Variants in PCDH7 observed in about 807,000 individuals in gnomAD.
The protein encoded by PCDH7 is protocadherin-7.
PCDH7 carries 17 observed loss-of-function variants against 58.9 expected under a neutral mutation model. The ratio of observed to expected loss-of-function variants is 0.29; its 90% CI spans 0.20 to 0.43. PCDH7 has a LOEUF of 0.43. Ranked by LOEUF, PCDH7 falls within the 20% of genes least tolerant of loss-of-function variation. The probability of loss-of-function intolerance (pLI) is 1.00; values close to 1 mark genes in which losing one functional copy is unlikely to be tolerated. For synonymous variants in PCDH7, 664 were observed against 616.4 expected, an observed-to-expected ratio of 1.08 and a Z score of -1.14; for missense variants, 1,274 against 1,441.0, an observed-to-expected ratio of 0.88 and a Z score of 1.88.
At chr4:31,036,078 T>C (rs1242085336) in intron 3 of PCDH7, among the ~76,000 whole-genome samples, 1 of 152,228 alleles carries the variant, frequency 6.6e-6, no homozygotes, top group Non-Finnish European at 1.5e-5. Context: ...GTATTATAAA[T>C]GTGTTTTACA....
At chr4:30,971,081 A>C (rs1380424281) in intron 3 of PCDH7, among the ~76,000 whole-genome samples, 1 of 152,226 alleles carries the variant, frequency 6.6e-6, no homozygotes, top group Admixed American at 6.5e-5. Flanking sequence ...ACATCACTGG[A>C]AATATTCAAA....
chr4:30,789,808 AT>A (rs2109297400), intron 1 of PCDH7, among the ~76,000 whole-genome samples: 1 of 152,286 alleles, frequency 6.6e-6, no homozygotes, highest in African/African-American at 2.4e-5. Context: ...TCCTTAGAAG[AT>A]TAGACGAGAG....
At chr4:30,945,511 T>C (rs1417770703) in intron 2 of PCDH7, among the ~76,000 whole-genome samples, 1 of 152,156 alleles carries the variant, frequency 6.6e-6, no homozygotes, top group Non-Finnish European at 1.5e-5. Context: ...TATATAGAAT[T>C]CATAATTATT....
At position 30,747,891 on chromosome 4, in the gene PCDH7, T is replaced by A. The variant is rs558702096; in HGVS notation, c.70+23295T>A. 4.6e-5 allele frequency among the ~76,000 whole-genome samples: 7 copies of A among 152,308 alleles called. No homozygotes were observed. In the East Asian group the frequency reaches 7.7e-4, roughly 17 times the overall value. On this transcript the variant is annotated intron_variant, in intron 1 of 3. Coordinates refer to the PCDH7 transcript ENST00000509759. ...AAAATATTATTTGGGTAGACTCCAGTCAGGCTTTCTTTTTTTCTGTGCAAT... is the reference window on the plus strand; with the variant it reads ...AAAATATTATTTGGGTAGACTCCAGACAGGCTTTCTTTTTTTCTGTGCAAT...
chr4:30,819,326 C>T (rs188184880), intron 1 of PCDH7, among the ~76,000 whole-genome samples: 239 of 152,098 alleles, frequency 1.6e-3, no homozygotes, highest in African/African-American at 5.4e-3. Context: ...TTGGGTAGAG[C>T]GGTGCTGCTT....
intron 3 of PCDH7, among the ~76,000 whole-genome samples, chr4:31,139,663 C>A (rs1720017545): frequency 1.3e-5 from 2 of 152,144 alleles, no homozygotes; most frequent in African/African-American, 4.8e-5. Flanking sequence ...TCCACTCATG[C>A]CCTTCTTTAA....
Position 30,765,336 on chromosome 4 carries a change from G to A in PCDH7, c.70+40740G>A, listed in dbSNP as rs141812686. ...CATCAATGGCATCTGGTGACTTTAT[G>A]CATAATGTTCATGGCCTTGCCGCCT... On this transcript the variant is annotated intron_variant, in intron 1 of 3. Transcript: ENST00000509759. Among the ~76,000 whole-genome samples, 708 of 152,080 alleles carry A rather than the reference G, an allele frequency of 4.7e-3. 6 individuals carry two copies. Among genetic ancestry groups the A allele is most frequent in the African/African-American group, 0.016 (669 of 41,484 alleles).
downstream of PCDH7, among the ~76,000 whole-genome samples, chr4:30,735,982 C>T (rs1192141861): frequency 6.6e-6 from 1 of 152,146 alleles, no homozygotes; most frequent in East Asian, 1.9e-4. Flanking sequence ...ATTTTCTGCT[C>T]TCATACTTAT....
intron 3 of PCDH7, among the ~76,000 whole-genome samples, chr4:31,086,305 C>A (rs1334183559): frequency 6.6e-6 from 1 of 152,112 alleles, no homozygotes; most frequent in African/African-American, 2.4e-5. Context: ...AATCCTAATT[C>A]TTGACCTACA....
chr4:30,798,253 A>G (rs2109304232), intron 1 of PCDH7, among the ~76,000 whole-genome samples: 1 of 152,306 alleles, frequency 6.6e-6, no homozygotes, highest in East Asian at 1.9e-4. Context: ...AGGGGAGTGG[A>G]TGCCTTGATT....
chr4:30,881,028 G>A (rs1460075135), intron 1 of PCDH7, among the ~76,000 whole-genome samples: 2 of 152,124 alleles, frequency 1.3e-5, no homozygotes, highest in Non-Finnish European at 2.9e-5. Context: ...AAGACCATCA[G>A]ATTAGCTTTC....
intron 3 of PCDH7, among the ~76,000 whole-genome samples, chr4:30,994,115 A>G (rs1751686606): frequency 6.6e-6 from 1 of 152,356 alleles, no homozygotes; most frequent in Non-Finnish European, 1.5e-5. Flanking sequence ...TTGGAATAAA[A>G]ACCTTCAGAA....
At chr4:30,806,465 G>C (rs1369681701) in intron 1 of PCDH7, among the ~76,000 whole-genome samples, 1 of 151,816 alleles carries the variant, frequency 6.6e-6, no homozygotes, top group African/African-American at 2.4e-5. Context: ...ACCATGCCTG[G>C]CTAAATTTTG....
chr4:30,904,825 C>A (rs1314277284), intron 1 of PCDH7, among the ~76,000 whole-genome samples: 1 of 152,094 alleles, frequency 6.6e-6, no homozygotes, highest in African/African-American at 2.4e-5. Context: ...GGTTTGGGTG[C>A]CAAAGTCAGG....
intron 1 of PCDH7, among the ~76,000 whole-genome samples, chr4:30,874,856 C>T (rs1367877268): frequency 4.6e-5 from 7 of 151,932 alleles, no homozygotes; most frequent in Non-Finnish European, 8.8e-5. Context: ...AATATTTACT[C>T]TTCAGCAAGA....
At chr4:30,984,250 G>A (rs1750792837) in intron 3 of PCDH7, among the ~76,000 whole-genome samples, 7 of 152,186 alleles carry the variant, frequency 4.6e-5, no homozygotes. Context: ...ACTAGAGACT[G>A]CTGAAACAGA....
chr4:30,877,311 A>T (rs969312774), intron 1 of PCDH7, among the ~76,000 whole-genome samples: 5 of 152,118 alleles, frequency 3.3e-5, no homozygotes, highest in Non-Finnish European at 7.4e-5. Context: ...CTGGTATCAA[A>T]ATCCGAAAAT....
At chr4:31,110,463 G>A (rs1716144389) in intron 3 of PCDH7, among the ~76,000 whole-genome samples, 1 of 152,164 alleles carries the variant, frequency 6.6e-6, no homozygotes, top group Non-Finnish European at 1.5e-5. Context: ...GGGTTGTGAA[G>A]TTCCATTAGA....
chr4:30,840,652 T>A (rs1731091832), intron 1 of PCDH7, among the ~76,000 whole-genome samples: 1 of 152,128 alleles, frequency 6.6e-6, no homozygotes, highest in African/African-American at 2.4e-5. Context: ...AATTCTCAAG[T>A]TACAGGATTC....
Sources: allele counts gnomAD v4.1 joint callset (sites outside exome capture counted in the v4.1 genomes callset), GRCh38; gene constraint gnomAD v4.1.1; transcripts MANE v1.5; gene names NCBI Gene and HGNC (gene_info 2026-07-23, HGNC 2026-07-21).